Variants in CENPK observed in about 807,000 individuals in gnomAD.
CENPK encodes the protein centromere protein K.
A neutral mutation model predicts 40.9 loss-of-function variants in CENPK; 46 were observed. That is an observed-to-expected ratio of 1.13 (90% CI 0.89 to 1.44). CENPK has a LOEUF of 1.44. Among genes scored for constraint, CENPK ranks in the 40% most tolerant of loss-of-function variants. The probability of loss-of-function intolerance (pLI) is 0.00; values close to 1 mark genes in which losing one functional copy is unlikely to be tolerated. For missense variants in CENPK, 288 were observed against 303.5 expected (o/e 0.95, Z 0.38); for synonymous variants, 107 against 104.4 (o/e 1.02, Z -0.15).
chr5:65,557,558 G>C (rs990835793), intron 2 of CENPK, among the ~76,000 whole-genome samples: 1 of 152,184 alleles, frequency 6.6e-6, no homozygotes, highest in African/African-American at 2.4e-5. Flanking sequence ...AAGTCCATGA[G>C]GAAAGGAACT....
chr5:65,530,414 A>C (rs1279595449), intron 6 of CENPK, among the ~76,000 whole-genome samples: 1 of 152,250 alleles, frequency 6.6e-6, no homozygotes, highest in Non-Finnish European at 1.5e-5. Context: ...ATAACAGAGA[A>C]AGAAGACAAA....
chr5:65,548,899 A>C (rs1388815653), intron 5 of CENPK, among the ~76,000 whole-genome samples: 2 of 151,250 alleles, frequency 1.3e-5, no homozygotes, highest in Non-Finnish European at 2.9e-5. Context: ...CCTCTTGCAC[A>C]CTCCTGTTAA....
At chr5:65,529,046 A>G (rs1229991691) in intron 7 of CENPK, 29 bp from the exon 8 acceptor site, 2 of 1,555,706 alleles carry the variant, frequency 1.3e-6, no homozygotes, top group Non-Finnish European at 1.8e-6. Flanking sequence ...AATACAAGCA[A>G]TATCTAAATA....
chr5:65,507,728 T>C, the CENPK span, among the ~76,000 whole-genome samples: 1 of 152,230 alleles, frequency 6.6e-6, no homozygotes, highest in African/African-American at 2.4e-5. Context: ...TAGTATTAAC[T>C]AAACTGTAGA....
intron 10 of CENPK, among the ~76,000 whole-genome samples, chr5:65,519,084 C>T (rs908337474): frequency 6.6e-6 from 1 of 152,284 alleles, no homozygotes; most frequent in African/African-American, 2.4e-5. Context: ...ATTTTATCAT[C>T]ATCACTTCCT....
At chr5:65,537,015 C>T (rs1321778916) in intron 6 of CENPK, among the ~76,000 whole-genome samples, 3 of 152,212 alleles carry the variant, frequency 2.0e-5, no homozygotes, top group Non-Finnish European at 4.4e-5. Flanking sequence ...GTATTCACTT[C>T]CACCTTCTAT....
At chr5:65,559,437 G>A (rs1396576101) in intron 2 of CENPK, among the ~76,000 whole-genome samples, 6 of 151,746 alleles carry the variant, frequency 4.0e-5, no homozygotes, top group East Asian at 1.9e-4. Flanking sequence ...AGACCATCCC[G>A]GCTAAAAGGG....
At position 65,551,635 on chromosome 5, in the gene CENPK, A is replaced by C. The variant is rs749320661; in HGVS notation, c.170T>G (p.Leu57Arg). ...TTTTACTTGCATAATTAACAATGAT[A>C]GCTACAAAAGAAGAAAACAAAGTCA... ...TETLTDSNAQLSLLIMQVKCL... is the reference protein window; with the variant it reads ...TETLTDSNAQRSLLIMQVKCL... The change falls in exon 5 of 11, where the codon CTA becomes CGA. Residue 57 changes from leucine (L) to arginine (R), a missense_variant and splice_region_variant. By Grantham distance (102) the Leu-to-Arg change is moderately radical. Coordinates refer to ENST00000396679, the MANE Select transcript of CENPK (RefSeq NM_022145.5). 1 of 1,548,046 alleles carries C rather than the reference A, an allele frequency of 6.5e-7. No individual in the cohort carries two copies. The highest frequency in any genetic ancestry group is 1.2e-5 in the South Asian group (1 of 84,162).
At chr5:65,554,357 G>A (rs368547760) in intron 3 of CENPK, among the ~76,000 whole-genome samples, 11 of 151,974 alleles carry the variant, frequency 7.2e-5, no homozygotes, top group East Asian at 5.8e-4. Context: ...TCACCATGTC[G>A]GCCAGGATGG....
At chr5:65,509,495 A>G in the CENPK span, among the ~76,000 whole-genome samples, 1 of 152,346 alleles carries the variant, frequency 6.6e-6, no homozygotes, top group South Asian at 2.1e-4. Context: ...GCAAAATATT[A>G]TTCCATTGTA....
At chr5:65,552,580 A>G in intron 3 of CENPK, 31 bp from the exon 4 acceptor site, 1 of 1,396,316 alleles carries the variant, frequency 7.2e-7, no homozygotes, top group Non-Finnish European at 9.8e-7. Context: ...AAGGCAAGTC[A>G]CACACGATAA....
intron 6 of CENPK, among the ~76,000 whole-genome samples, chr5:65,536,670 T>C (rs1417943309): frequency 2.0e-5 from 3 of 152,148 alleles, no homozygotes; most frequent in Admixed American, 6.5e-5. Flanking sequence ...AGAATAATTA[T>C]CTTTTATTCT....
the CENPK span, among the ~76,000 whole-genome samples, chr5:65,501,836 G>C: frequency 6.6e-6 from 1 of 152,218 alleles, no homozygotes; most frequent in Admixed American, 6.5e-5. Flanking sequence ...CCTTGTTACT[G>C]ATTGCCAGGT....
chr5:65,532,910 CAAAAAAA>C (rs60713724), intron 6 of CENPK, among the ~76,000 whole-genome samples: 4,174 of 36,916 alleles, frequency 0.11, 159 homozygotes, highest in Middle Eastern at 0.26. Context: ...ACTCCATCTC[CAAAAAAA>C]AAAAAAAAAA....
chr5:65,533,121 A>G (rs1406616334), intron 6 of CENPK, among the ~76,000 whole-genome samples: 1 of 151,778 alleles, frequency 6.6e-6, no homozygotes, highest in East Asian at 1.9e-4. Flanking sequence ...GCACTTTGGG[A>G]GGCCGAGGAC....
At chr5:65,536,450 C>T (rs917969802) in intron 6 of CENPK, among the ~76,000 whole-genome samples, 2 of 151,920 alleles carry the variant, frequency 1.3e-5, no homozygotes, top group Non-Finnish European at 2.9e-5. Flanking sequence ...CCCATCTCTA[C>T]AAAAAACCAA....
At chr5:65,547,466 A>C (rs559396299) in intron 5 of CENPK, among the ~76,000 whole-genome samples, 1 of 152,268 alleles carries the variant, frequency 6.6e-6, no homozygotes, top group Admixed American at 6.5e-5. Flanking sequence ...GCAATAAGAC[A>C]TACGGTTGAA....
the CENPK span, among the ~76,000 whole-genome samples, chr5:65,501,105 T>C: frequency 1.3e-5 from 2 of 151,998 alleles, no homozygotes; most frequent in South Asian, 4.1e-4. Flanking sequence ...TTCTTCTTTA[T>C]ATCTTCTATT....
At chr5:65,555,023 A>C in intron 2 of CENPK, 77 bp from the exon 3 acceptor site, 1 of 718,276 alleles carries the variant, frequency 1.4e-6, no homozygotes, top group Non-Finnish European at 2.5e-6. Context: ...TCTAGGGGGT[A>C]AGAATATAGC....
Sources: allele counts gnomAD v4.1 joint callset (sites outside exome capture counted in the v4.1 genomes callset), GRCh38; gene constraint gnomAD v4.1.1; transcripts MANE v1.5; gene names NCBI Gene and HGNC (gene_info 2026-07-23, HGNC 2026-07-21).